Variants in TULP4 observed in about 807,000 individuals in gnomAD.
The protein encoded by TULP4 is tubby-related protein 4.
A neutral mutation model predicts 129.0 loss-of-function variants in TULP4; 16 were observed. The observed-to-expected ratio is 0.12, with a 90% CI of 0.08 to 0.19. The LOEUF is 0.19. Ranked by LOEUF, TULP4 falls within the 10% of genes least tolerant of loss-of-function variation. The probability of loss-of-function intolerance (pLI) is 1.00; values close to 1 mark genes in which losing one functional copy is unlikely to be tolerated. For missense variants in TULP4, 1,842 were observed against 2,059.1 expected, an observed-to-expected ratio of 0.89 and a Z score of 2.04; for synonymous variants, 998 against 854.0, an observed-to-expected ratio of 1.17 and a Z score of -2.94.
Position 158,481,198 on chromosome 6 carries a change from G to C in TULP4, c.1395G>C (p.Leu465=). Residue 465 remains leucine, a synonymous_variant, in exon 8 of 14, where the codon CTG becomes CTC. Transcript: ENST00000367097. ...GPCYTLYLEY[L]GGLVPILKGR... Reference sequence around the variant, plus strand: ...GCTACACGCTCTACCTGGAGTACCTGGGCGGGCTTGTGCCCATCCTCAAAG... The same window carrying C: ...GCTACACGCTCTACCTGGAGTACCTCGGCGGGCTTGTGCCCATCCTCAAAG... The C allele has an allele frequency of 6.2e-7, 1 of 1,614,230 alleles. No individual in the cohort carries two copies. The highest frequency in any genetic ancestry group is 1.3e-5 in the African/African-American group (1 of 75,066).
At chr6:158,355,641 G>A (rs1780629871) in intron 1 of TULP4, among the ~76,000 whole-genome samples, 2 of 152,190 alleles carry the variant, frequency 1.3e-5, no homozygotes, top group South Asian at 4.1e-4. Context: ...GGTGGGCTCA[G>A]GAAATGGGAA....
chr6:158,432,449 G>C (rs1778652887), intron 3 of TULP4, among the ~76,000 whole-genome samples: 1 of 152,212 alleles, frequency 6.6e-6, no homozygotes, highest in Non-Finnish European at 1.5e-5. Context: ...GCTTCCCTGA[G>C]AACTTTCTGC....
intron 1 of TULP4, among the ~76,000 whole-genome samples, chr6:158,376,365 A>G (rs968075343): frequency 6.6e-6 from 1 of 152,142 alleles, no homozygotes; most frequent in Non-Finnish European, 1.5e-5. Flanking sequence ...CACTGGACAA[A>G]GCCTCCTGCT....
intron 1 of TULP4, chr6:158,238,358 T>A: frequency 1.4e-6 from 1 of 733,054 alleles, no homozygotes; most frequent in Non-Finnish European, 2.5e-6. Flanking sequence ...CTGGCAGATA[T>A]TTTGAGGCAT....
chr6:158,415,049 G>A (rs142753738), intron 2 of TULP4, among the ~76,000 whole-genome samples: 2 of 152,344 alleles, frequency 1.3e-5, no homozygotes, highest in African/African-American at 2.4e-5. Context: ...TGGCAGAGAT[G>A]CGTGTATTCA....
At chr6:158,311,959 T>A (rs7745596), upstream of TULP4, 75,130 of 393,524 alleles carry the variant, frequency 0.19, 8,299 homozygotes, top group Non-Finnish European at 0.23. Context: ...AAGATGGGTC[T>A]CTCATTTCAG....
At chr6:158,460,366 G>A (rs923783215) in intron 5 of TULP4, among the ~76,000 whole-genome samples, 6 of 151,898 alleles carry the variant, frequency 4.0e-5, no homozygotes, top group East Asian at 1.9e-4. Context: ...TTTAAGTTCC[G>A]CCCAGCTTCT....
intron 1 of TULP4, among the ~76,000 whole-genome samples, chr6:158,342,363 T>C (rs1361265615): frequency 1.3e-5 from 2 of 152,244 alleles, no homozygotes; most frequent in African/African-American, 4.8e-5. Flanking sequence ...TACATAAGAT[T>C]GTAATATTTA....
chr6:158,445,634 G>C (rs746023226), intron 3 of TULP4, among the ~76,000 whole-genome samples: 12 of 152,164 alleles, frequency 7.9e-5, no homozygotes, highest in Non-Finnish European at 1.5e-4. Context: ...GGGCCCAGAA[G>C]CCTTCACACA....
In TULP4 at chr6:158,431,462, G is replaced by C. The variant is rs529342789; in HGVS notation, c.543+1565G>C. Among the ~76,000 whole-genome samples the C allele has an allele frequency of 3.3e-5, 5 of 152,316 alleles. No homozygotes were observed. In the South Asian group the frequency reaches 6.2e-4, roughly 19 times the overall value. On this transcript the variant is annotated intron_variant, in intron 3 of 13. Coordinates refer to ENST00000367097, the MANE Select transcript of TULP4 (RefSeq NM_020245.5). ...TGAGTTGTGCCAGCCAGTGTCCCCA[G>C]CAGACTGTGCACATGTAGGACAGGC...
intron 1 of TULP4, among the ~76,000 whole-genome samples, chr6:158,392,057 TGG>T: frequency 6.6e-6 from 1 of 152,216 alleles, no homozygotes. Flanking sequence ...TACCCTAGAC[TGG>T]GCAGTTTACA....
chr6:158,255,062 ACT>A (rs1339971640), intron 1 of TULP4, among the ~76,000 whole-genome samples: 1 of 152,050 alleles, frequency 6.6e-6, no homozygotes, highest in African/African-American at 2.4e-5. Context: ...ACAGAGTGAG[ACT>A]CTGTCTCAAA....
At chr6:158,332,977 T>C (rs1779946152) in intron 1 of TULP4, among the ~76,000 whole-genome samples, 1 of 152,160 alleles carries the variant, frequency 6.6e-6, no homozygotes, top group Admixed American at 6.5e-5. Context: ...TACATATATG[T>C]GTTTTAGAAA....
upstream of TULP4, among the ~76,000 whole-genome samples, chr6:158,310,161 A>G (rs956572279): frequency 1.4e-4 from 22 of 152,042 alleles, no homozygotes; most frequent in African/African-American, 5.1e-4. Context: ...AATTGTTTTA[A>G]TTGGCTCATG....
chr6:158,442,642 A>G (rs1222661061), intron 3 of TULP4, among the ~76,000 whole-genome samples: 2 of 152,116 alleles, frequency 1.3e-5, no homozygotes, highest in African/African-American at 2.4e-5. Context: ...TTTCTTCCTC[A>G]TTCAATGTAT....
In TULP4 at chr6:158,511,277, GTAT is replaced by G. The variant is rs1444483918; in HGVS notation, c.*4588_*4590del. Reference sequence around the variant, plus strand: ...TATGCGTTTGACTGAAAAAGACACTGTATTATTTACCAAAGGGGTATTGTTTTT... The same window carrying G: ...TATGCGTTTGACTGAAAAAGACACTGTATTTACCAAAGGGGTATTGTTTTT... On this transcript the variant is annotated 3_prime_UTR_variant, in exon 14 of 14. Coordinates refer to ENST00000367097, the MANE Select transcript of TULP4 (RefSeq NM_020245.5). The G allele has an allele frequency of 6.6e-6, 1 of 152,346 alleles. No homozygotes were observed. Among genetic ancestry groups the G allele is most frequent in the Non-Finnish European group, 1.5e-5 (1 of 68,002 alleles). The allele number at this position is 152,346 out of a possible 1,614,324, so 9.4% of individuals were successfully genotyped here. A position where few individuals can be genotyped will look rare whatever the true frequency, so the allele number is the denominator to read the frequency against.
chr6:158,490,949 G>C (rs1323150332), intron 9 of TULP4, among the ~76,000 whole-genome samples: 1 of 152,106 alleles, frequency 6.6e-6, no homozygotes, highest in African/African-American at 2.4e-5. Flanking sequence ...GTAGTTTCCA[G>C]TTTGAGGCTA....
intron 1 of TULP4, among the ~76,000 whole-genome samples, chr6:158,400,546 C>G (rs980853315): frequency 5.9e-5 from 9 of 152,030 alleles, no homozygotes; most frequent in African/African-American, 2.2e-4. Flanking sequence ...AATGTCTTGT[C>G]AGATCTGATC....
chr6:158,504,258 A>G (rs935924019), intron 13 of TULP4, 80 bp downstream of exon 13: 3 of 1,195,640 alleles, frequency 2.5e-6, no homozygotes, highest in Non-Finnish European at 3.5e-6. Context: ...GCATTTTTCA[A>G]AAGGCCAAAT....
Sources: gnomAD v4.1 joint callset for allele counts (sites outside exome capture counted in the v4.1 genomes callset) on GRCh38, gnomAD v4.1.1 for gene constraint, MANE v1.5 for transcripts, NCBI Gene and HGNC (gene_info 2026-07-23, HGNC 2026-07-21) for gene names.